Variants in TMEM117 observed in about 807,000 individuals in gnomAD.
TMEM117 encodes transmembrane protein 117.
A neutral mutation model predicts 52.4 loss-of-function variants in TMEM117; 27 were observed. The ratio of observed to expected loss-of-function variants is 0.51; its 90% CI spans 0.38 to 0.71. TMEM117 has a LOEUF of 0.71. Ranked by LOEUF, TMEM117 falls within the 30% of genes least tolerant of loss-of-function variation. The probability of loss-of-function intolerance (pLI) is 0.00; values close to 1 mark genes in which losing one functional copy is unlikely to be tolerated. For missense variants in TMEM117, 556 were observed against 630.5 expected (o/e 0.88, Z 1.26); for synonymous variants, 215 against 206.3 (o/e 1.04, Z -0.36).
At chr12:43,826,730 T>C in the TMEM117 span, among the ~76,000 whole-genome samples, 2 of 152,272 alleles carry the variant, frequency 1.3e-5, no homozygotes, top group South Asian at 2.1e-4. Flanking sequence ...TTACTAAGTG[T>C]AAGAGAGGAG....
chr12:43,916,956 G>A (rs1279543760), intron 2 of TMEM117, among the ~76,000 whole-genome samples: 2 of 151,964 alleles, frequency 1.3e-5, no homozygotes, highest in African/African-American at 4.8e-5. Flanking sequence ...TCCATGTTAA[G>A]GTTGCAGCCT....
At chr12:44,308,682 C>T (rs1237209353) in intron 6 of TMEM117, among the ~76,000 whole-genome samples, 2 of 150,936 alleles carry the variant, frequency 1.3e-5, no homozygotes, top group Non-Finnish European at 2.9e-5. Context: ...TGCAGTGGCG[C>T]CATCTCGGCT....
At chr12:44,206,516 A>G (rs147869703) in intron 4 of TMEM117, among the ~76,000 whole-genome samples, 78 of 152,320 alleles carry the variant, frequency 5.1e-4, no homozygotes, top group African/African-American at 1.6e-3. Flanking sequence ...ATGCACATGG[A>G]TGTTTATTGC....
intron 5 of TMEM117, among the ~76,000 whole-genome samples, chr12:44,248,045 G>T (rs1950152183): frequency 6.6e-6 from 1 of 152,198 alleles, no homozygotes; most frequent in South Asian, 2.1e-4. Context: ...TTGGGTCTCA[G>T]GTTCTGACTC....
intron 3 of TMEM117, among the ~76,000 whole-genome samples, chr12:43,944,813 T>G (rs1194223461): frequency 6.6e-6 from 1 of 152,110 alleles, no homozygotes; most frequent in Non-Finnish European, 1.5e-5. Context: ...ATAAATAGGT[T>G]GTTTTAAAAG....
chr12:43,933,093 C>T lies in TMEM117; in HGVS notation c.278-11117C>T, dbSNP rs146033757. On this transcript the variant is annotated intron_variant, in intron 2 of 7. Transcript: ENST00000266534. ...CCTTCTTAATTGCATTAATATAATG[C>T]CTGAAGTTAAAGGAAAACCTATTTA... 2.5e-3 allele frequency among the ~76,000 whole-genome samples: 382 copies of T among 152,102 alleles called. 2 individuals are homozygous for T. Among genetic ancestry groups the T allele is most frequent in the African/African-American group, 8.7e-3 (362 of 41,480 alleles).
At chr12:44,130,185 T>G (rs1242547949) in intron 3 of TMEM117, among the ~76,000 whole-genome samples, 1 of 152,240 alleles carries the variant, frequency 6.6e-6, no homozygotes, top group Non-Finnish European at 1.5e-5. Flanking sequence ...GTGGAAATAA[T>G]CTACCTGCAT....
chr12:44,060,151 T>C (rs988820770), intron 3 of TMEM117, among the ~76,000 whole-genome samples: 1 of 152,234 alleles, frequency 6.6e-6, no homozygotes, highest in African/African-American at 2.4e-5. Flanking sequence ...TGAAAGCTGC[T>C]AGCCCAGTGA....
At chr12:44,088,257 C>A (rs1207547912) in intron 3 of TMEM117, among the ~76,000 whole-genome samples, 1 of 152,148 alleles carries the variant, frequency 6.6e-6, no homozygotes, top group Non-Finnish European at 1.5e-5. Context: ...TAAATATTTT[C>A]AGAACAGCTT....
intron 5 of TMEM117, among the ~76,000 whole-genome samples, chr12:44,218,221 C>G (rs1273108625): frequency 7.2e-6 from 1 of 139,346 alleles, no homozygotes; most frequent in Non-Finnish European, 1.6e-5. Flanking sequence ...AAGGCTCCGT[C>G]AAAAAAAACA....
chr12:44,306,198 G>A (rs1950901326), intron 6 of TMEM117, among the ~76,000 whole-genome samples: 1 of 152,006 alleles, frequency 6.6e-6, no homozygotes, highest in Admixed American at 6.5e-5. Context: ...GGGCAACAGG[G>A]CCATCCATAC....
chr12:43,815,348 G>C, the TMEM117 span, among the ~76,000 whole-genome samples: 1 of 152,156 alleles, frequency 6.6e-6, no homozygotes, highest in Non-Finnish European at 1.5e-5. Context: ...GCCTTGTGAC[G>C]AGTTGGCAAG....
At chr12:43,902,586 G>A (rs900170397) in intron 2 of TMEM117, among the ~76,000 whole-genome samples, 1 of 152,144 alleles carries the variant, frequency 6.6e-6, no homozygotes, top group African/African-American at 2.4e-5. Context: ...CCACTGTGGG[G>A]AGACAAGGGA....
In TMEM117 at chr12:44,084,073, G is replaced by A. The variant is rs528406223; in HGVS notation, c.411-59452G>A. Among the ~76,000 whole-genome samples, 65 of 152,126 alleles carry A rather than the reference G, an allele frequency of 4.3e-4. No homozygotes were observed. The South Asian group carries it at 0.013, about 30-fold the overall frequency. Reference sequence around the variant, plus strand: ...GTCTCCAACAAGAAAATGTCTAACTGGTTAAATATTGGTTTAAAGGTAGAT... The same window carrying A: ...GTCTCCAACAAGAAAATGTCTAACTAGTTAAATATTGGTTTAAAGGTAGAT... On this transcript the variant is annotated intron_variant, in intron 3 of 7. Transcript: ENST00000266534.
chr12:44,037,305 C>A (rs1215323475), intron 3 of TMEM117, among the ~76,000 whole-genome samples: 1 of 152,182 alleles, frequency 6.6e-6, no homozygotes, highest in Non-Finnish European at 1.5e-5. Context: ...GGAAGCCCCC[C>A]TTCCCTGCAG....
In TMEM117 at chr12:43,934,123, G is replaced by A. The variant is rs942020865; in HGVS notation, c.278-10087G>A. Among the ~76,000 whole-genome samples the A allele has an allele frequency of 8.6e-5, 13 of 151,892 alleles. No individual in the cohort carries two copies. In the East Asian group the frequency reaches 9.6e-4, roughly 11 times the overall value. On this transcript the variant is annotated intron_variant, in intron 2 of 7. Coordinates refer to ENST00000266534, the MANE Select transcript of TMEM117 (RefSeq NM_032256.3). The stretch of plus-strand genomic sequence containing the variant: ...GTAAAATATAGGCCAAATTGATTCC[G>A]TCAAAATTAGAGAACATAATATATG...
At chr12:44,385,220 G>C (rs185174574) in intron 7 of TMEM117, among the ~76,000 whole-genome samples, 2 of 152,118 alleles carry the variant, frequency 1.3e-5, no homozygotes, top group African/African-American at 4.8e-5. Context: ...GTTGGAGTAG[G>C]TGATGATATC....
At chr12:44,275,697 A>G (rs746300284) in intron 5 of TMEM117, among the ~76,000 whole-genome samples, 4 of 152,098 alleles carry the variant, frequency 2.6e-5, no homozygotes, top group Non-Finnish European at 2.9e-5. Context: ...AGCCAAGCAC[A>G]CAAATAAGAA....
At chr12:44,074,013 G>A (rs1420824824) in intron 3 of TMEM117, among the ~76,000 whole-genome samples, 1 of 152,158 alleles carries the variant, frequency 6.6e-6, no homozygotes, top group East Asian at 1.9e-4. Flanking sequence ...CTTTATTTTT[G>A]TTGGCCTCAC....
Sources: gnomAD v4.1 joint callset for allele counts (sites outside exome capture counted in the v4.1 genomes callset) on GRCh38, gnomAD v4.1.1 for gene constraint, MANE v1.5 for transcripts, NCBI Gene and HGNC (gene_info 2026-07-23, HGNC 2026-07-21) for gene names.